EXOC4: variants seen among roughly 807,000 people sequenced by gnomAD.
EXOC4 encodes exocyst complex component 4.
EXOC4 carries 71 observed loss-of-function variants against 107.2 expected under a neutral mutation model. The ratio of observed to expected loss-of-function variants is 0.66; its 90% CI spans 0.55 to 0.81. The LOEUF is 0.81. EXOC4 is among the 30% of genes least tolerant of loss of function. The pLI is 0.00. For synonymous variants in EXOC4, 456 were observed against 441.2 expected (o/e 1.03, Z -0.42); for missense variants, 1,108 against 1,189.6 (o/e 0.93, Z 1.01).
At chr7:133,786,933 A>G (rs1796581390) in intron 10 of EXOC4, among the ~76,000 whole-genome samples, 1 of 152,248 alleles carries the variant, frequency 6.6e-6, no homozygotes, top group South Asian at 2.1e-4. Flanking sequence ...AGGAAGTTGA[A>G]CCAGTTTCTG....
intron 11 of EXOC4, among the ~76,000 whole-genome samples, chr7:133,845,466 G>A (rs1008616521): frequency 1.3e-5 from 2 of 148,654 alleles, no homozygotes; most frequent in Admixed American, 6.8e-5. Context: ...GAAATACAAC[G>A]TTTGCCCATT....
intron 4 of EXOC4, among the ~76,000 whole-genome samples, chr7:133,306,954 T>C (rs1441848305): frequency 2.0e-5 from 3 of 152,144 alleles, no homozygotes; most frequent in African/African-American, 7.2e-5. Flanking sequence ...GGTAGAATAT[T>C]GGAATTTTTA....
intron 7 of EXOC4, among the ~76,000 whole-genome samples, chr7:133,391,512 G>A (rs1796852861): frequency 6.6e-6 from 1 of 152,190 alleles, no homozygotes; most frequent in Non-Finnish European, 1.5e-5. Flanking sequence ...CGTACTGGAA[G>A]GATAGACAAA....
At chr7:133,368,572 C>G (rs1187301923) in intron 6 of EXOC4, among the ~76,000 whole-genome samples, 3 of 152,052 alleles carry the variant, frequency 2.0e-5, no homozygotes, top group Non-Finnish European at 4.4e-5. Context: ...GTATGTAGCT[C>G]TCACAGTCAA....
chr7:133,383,743 C>A (rs933250956), intron 7 of EXOC4, among the ~76,000 whole-genome samples: 4 of 152,064 alleles, frequency 2.6e-5, no homozygotes, highest in Non-Finnish European at 5.9e-5. Context: ...GTAAAACAAA[C>A]CTATTTTAGT....
intron 14 of EXOC4, among the ~76,000 whole-genome samples, chr7:133,943,360 T>G (rs1274611806): frequency 6.6e-6 from 1 of 152,200 alleles, no homozygotes; most frequent in Non-Finnish European, 1.5e-5. Flanking sequence ...TATCAAAATT[T>G]CTCCTATTGA....
chr7:133,513,523 T>C (rs186974816), intron 9 of EXOC4, among the ~76,000 whole-genome samples: 1 of 152,248 alleles, frequency 6.6e-6, no homozygotes, highest in East Asian at 1.9e-4. Flanking sequence ...TCAAACAGCA[T>C]ACTATACTAA....
chr7:133,459,043 C>T (rs1798529201), intron 7 of EXOC4, among the ~76,000 whole-genome samples: 1 of 152,176 alleles, frequency 6.6e-6, no homozygotes, highest in Non-Finnish European at 1.5e-5. Context: ...TAAGAGCTGG[C>T]ATTTAAAGAA....
downstream of EXOC4, among the ~76,000 whole-genome samples, chr7:134,069,446 C>A (rs976677088): frequency 6.6e-6 from 1 of 150,562 alleles, no homozygotes; most frequent in South Asian, 2.1e-4. Context: ...CCTTCTCCTG[C>A]TCCTCCTCCT....
intron 10 of EXOC4, among the ~76,000 whole-genome samples, chr7:133,713,396 G>A (rs1794934994): frequency 6.6e-6 from 1 of 152,054 alleles, no homozygotes; most frequent in South Asian, 2.1e-4. Context: ...TTACATAACA[G>A]TCATTAATTT....
At chr7:133,349,849 T>G (rs57228489) in intron 5 of EXOC4, among the ~76,000 whole-genome samples, 156 of 151,550 alleles carry the variant, frequency 1.0e-3, no homozygotes, top group African/African-American at 3.2e-3. Context: ...TGTTTTTTTT[T>G]GGGGGGGGTG....
intron 10 of EXOC4, among the ~76,000 whole-genome samples, chr7:133,759,207 T>G (rs2151148934): frequency 6.6e-6 from 1 of 151,684 alleles, no homozygotes; most frequent in African/African-American, 2.4e-5. Flanking sequence ...GGTCTTGAAC[T>G]ACTGGCTTCA....
intron 5 of EXOC4, among the ~76,000 whole-genome samples, chr7:133,327,061 G>T (rs901216333): frequency 6.6e-6 from 1 of 152,130 alleles, no homozygotes; most frequent in African/African-American, 2.4e-5. Flanking sequence ...TTGGAAAAGC[G>T]CAGTATTAGG....
chr7:133,509,853 A>G (rs912917203), intron 9 of EXOC4, among the ~76,000 whole-genome samples: 1 of 152,192 alleles, frequency 6.6e-6, no homozygotes, highest in Admixed American at 6.5e-5. Context: ...TTGTAAGTTC[A>G]TTGTAAATTA....
chr7:133,396,118 TG>T (rs1380516703), intron 7 of EXOC4: 1 of 152,170 alleles, frequency 6.6e-6, no homozygotes, highest in African/African-American at 2.4e-5. Flanking sequence ...ATTCTAGTGC[TG>T]TATCCCAGAT....
chr7:133,856,175 G>A (rs1473280765), intron 11 of EXOC4, among the ~76,000 whole-genome samples: 1 of 152,242 alleles, frequency 6.6e-6, no homozygotes, highest in Non-Finnish European at 1.5e-5. Context: ...GCCTTTCACA[G>A]GAAGCCTAAC....
intron 17 of EXOC4, among the ~76,000 whole-genome samples, chr7:134,041,639 C>T (rs1269260552): frequency 1.3e-5 from 2 of 152,030 alleles, no homozygotes; most frequent in African/African-American, 4.8e-5. Flanking sequence ...TTTAATTAGG[C>T]TTGATATCAT....
chr7:133,945,813 A>G (rs750725652), intron 14 of EXOC4, among the ~76,000 whole-genome samples: 2 of 152,196 alleles, frequency 1.3e-5, no homozygotes, highest in Non-Finnish European at 2.9e-5. Context: ...AGAGCTCACT[A>G]TCATGGACTC....
At chr7:133,952,019 G>T (rs1800703019) in intron 14 of EXOC4, among the ~76,000 whole-genome samples, 1 of 152,180 alleles carries the variant, frequency 6.6e-6, no homozygotes, top group Non-Finnish European at 1.5e-5. Flanking sequence ...AGCCAAGCGT[G>T]GTGGCAGGCA....
Sources: gnomAD v4.1 joint callset for allele counts (sites outside exome capture counted in the v4.1 genomes callset) on GRCh38, gnomAD v4.1.1 for gene constraint, MANE v1.5 for transcripts, NCBI Gene and HGNC (gene_info 2026-07-23, HGNC 2026-07-21) for gene names.